RUNX3: variants seen among roughly 807,000 people sequenced by gnomAD.
The protein encoded by RUNX3 is runt-related transcription factor 3.
Under a neutral mutation model 27.7 loss-of-function variants are expected in RUNX3, and 10 were observed. That is an observed-to-expected ratio of 0.36 (90% confidence interval 0.22 to 0.61). The LOEUF (loss-of-function observed/expected upper bound fraction) is 0.61. Among genes scored for constraint, RUNX3 ranks in the 20% least tolerant of loss-of-function variants. The pLI, the probability that RUNX3 is intolerant of heterozygous loss-of-function variation, is 0.72. For missense variants in RUNX3, 469 were observed against 629.5 expected (o/e 0.75, Z 2.73); for synonymous variants, 270 against 269.2 (o/e 1.00, Z -0.03).
At chr1:24,910,118 G>A (rs1473589153) in intron 3 of RUNX3, among the ~76,000 whole-genome samples, 3 of 152,072 alleles carry the variant, frequency 2.0e-5, no homozygotes, top group African/African-American at 4.8e-5. Context: ...GTGAAACCCC[G>A]TCTCTACTAA....
intron 3 of RUNX3, among the ~76,000 whole-genome samples, chr1:24,915,958 C>T (rs1027134167): frequency 3.3e-5 from 5 of 152,290 alleles, no homozygotes; most frequent in South Asian, 2.1e-4. Flanking sequence ...CCTCAGAAAC[C>T]GAGGCCACAC....
Position 24,927,781 on chromosome 1 carries a change from G to C in RUNX3, c.283-51C>G. ...AGGGGGACAGCTTAGAAAGGAAGAG[G>C]GTGACCAGGGAAAGGAGGGGAGGGG... is the stretch of plus-strand genomic sequence containing the variant. On this transcript the variant is annotated intron_variant, in intron 1 of 4. Coordinates refer to ENST00000308873, the MANE Select transcript of RUNX3 (RefSeq NM_004350.3). This position sits in a 1 kb window ranked among gnomAD's most constrained non-coding sequence, Gnocchi z 5.0. 6.3e-7 allele frequency: 1 copy of C among 1,582,080 alleles called. No individual in the cohort carries two copies. The highest frequency in any genetic ancestry group is 8.7e-7 in the Non-Finnish European group (1 of 1,151,960).
chr1:24,907,538 C>T, intron 3 of RUNX3, 121 bp from the exon 4 acceptor site: 1 of 967,996 alleles, frequency 1.0e-6, no homozygotes. Context: ...CTGGGAGAAC[C>T]CTGAGGTCAC....
intron 2 of RUNX3, among the ~76,000 whole-genome samples, chr1:24,945,616 A>T (rs936373577): frequency 6.6e-6 from 1 of 152,222 alleles, no homozygotes; most frequent in East Asian, 1.9e-4. Context: ...TCAAAGTCAC[A>T]TAACCATTGA....
At chr1:24,925,699 G>A (rs1036818125) in intron 2 of RUNX3, among the ~76,000 whole-genome samples, 3 of 152,086 alleles carry the variant, frequency 2.0e-5, no homozygotes, top group African/African-American at 7.2e-5. Context: ...CTCAGACATC[G>A]GAACTCCTCC....
chr1:24,925,672 C>A (rs953506250), intron 2 of RUNX3, among the ~76,000 whole-genome samples: 1 of 152,178 alleles, frequency 6.6e-6, no homozygotes, highest in African/African-American at 2.4e-5. Flanking sequence ...GAAGGCTGAA[C>A]GCCTTAGCCA....
rs569902024 is a variant in RUNX3, at chr1:24,962,465, C to T, written c.58+2049G>A. Among the ~76,000 whole-genome samples, 3 of 152,304 alleles carry T rather than the reference C, an allele frequency of 2.0e-5. No homozygotes were observed. Among genetic ancestry groups the T allele is most frequent in the East Asian group, 3.9e-4 (2 of 5,184 alleles). ...CAAATGGGACCCTGGGGCTGCGTCT[C>T]TTTGAGGAAGGAATTGGCAGCTGGA... On this transcript the variant is annotated intron_variant, in intron 2 of 6. Transcript: ENST00000338888. This position sits in a 1 kb window ranked among gnomAD's most constrained non-coding sequence, Gnocchi z 4.5.
intron 2 of RUNX3, among the ~76,000 whole-genome samples, chr1:24,945,442 T>C (rs1020992509): frequency 6.6e-5 from 10 of 152,134 alleles, no homozygotes; most frequent in African/African-American, 2.4e-4. Flanking sequence ...GTGTAAATCA[T>C]AGCAAATGAT....
chr1:24,935,917 T>C (rs1641340320), intron 2 of RUNX3, among the ~76,000 whole-genome samples: 1 of 152,180 alleles, frequency 6.6e-6, no homozygotes, highest in South Asian at 2.1e-4. Context: ...TCTGAGAAGT[T>C]CAAACAGGTT....
intron 2 of RUNX3, among the ~76,000 whole-genome samples, chr1:24,947,953 G>A (rs942889550): frequency 1.3e-5 from 2 of 152,232 alleles, no homozygotes; most frequent in African/African-American, 4.8e-5. Flanking sequence ...GGGGTGACCT[G>A]GGGAGGCCCC....
rs1428817440 is a variant in RUNX3, at chr1:24,902,174, G to A, written c.1196C>T (p.Thr399Met). ...CATGCGGCCTGGCGTGCTCAGGGCC[G>A]TGGGTGAGTTGCTGTGGCTGCCGTC... The part of the protein sequence containing the change: ...EADGSHSNSP[T>M]ALSTPGRMDE... Residue 399 changes from threonine (T) to methionine (M), a missense_variant, in exon 5 of 5, where the codon ACG (threonine) becomes ATG (methionine). Physicochemically the swap from Thr to Met is moderately conservative, Grantham distance 81. Transcript: ENST00000308873. This position sits in a 1 kb window ranked among gnomAD's most constrained non-coding sequence, Gnocchi z 9.2. The A allele has an allele frequency of 9.5e-6, 15 of 1,571,724 alleles. No individual in the cohort carries two copies. The highest frequency in any genetic ancestry group is 1.2e-5 in the Non-Finnish European group (14 of 1,160,322).
At position 24,902,854 on chromosome 1, in the gene RUNX3, G is replaced by A. The variant is rs529324809; in HGVS notation, c.704-188C>T. Among the ~76,000 whole-genome samples the A allele has an allele frequency of 1.3e-5, 2 of 152,286 alleles. No homozygotes were observed. The highest frequency in any genetic ancestry group is 2.1e-4 in the South Asian group (1 of 4,830). Reference sequence around the variant, plus strand: ...CCAGGACTCCGAACACAGACCTGCCGGGAAGCTGGTTGGAGCGTGCCCCGG... The same window carrying A: ...CCAGGACTCCGAACACAGACCTGCCAGGAAGCTGGTTGGAGCGTGCCCCGG... On this transcript the variant is annotated intron_variant, in intron 4 of 4. Transcript: ENST00000308873. The surrounding 1 kb of genome is among the most constrained non-coding windows in gnomAD (Gnocchi z 9.2).
intron 2 of RUNX3, among the ~76,000 whole-genome samples, chr1:24,926,768 C>T (rs543288528): frequency 4.6e-5 from 7 of 152,250 alleles, no homozygotes; most frequent in East Asian, 1.9e-4. Flanking sequence ...TTGGGAAGGG[C>T]GACTCCCACT....
At position 24,947,777 on chromosome 1, in the gene RUNX3, G is replaced by A. The variant is rs2124352631; in HGVS notation, c.58+16737C>T. 1.3e-5 allele frequency among the ~76,000 whole-genome samples: 2 copies of A among 152,354 alleles called. 1 individual carries two copies. The highest frequency in any genetic ancestry group is 4.1e-4 in the South Asian group (2 of 4,826). ...CTGGAGTTCCCTGAATCCTTCTGGA[G>A]CTCCCCGCAGATCACAGCCGGAGCT... is the stretch of plus-strand genomic sequence containing the variant. On this transcript the variant is annotated intron_variant, in intron 2 of 6. Transcript: ENST00000338888.
rs1640515977 is a variant in RUNX3 at position 24,900,497 on chromosome 1, G to A, written c.*1625C>T. 6.6e-6 allele frequency: 1 copy of A among 152,426 alleles called. No homozygotes were observed. Among genetic ancestry groups the A allele is most frequent in the African/African-American group, 2.4e-5 (1 of 41,470 alleles). 9.4% of individuals were successfully genotyped at this position (152,426 alleles called of 1,614,324 possible). ...TTTTCTAAGCCTTTCTAGGGCCAGA[G>A]AACTCTGATGTGAGAATCCATGCAG... is the stretch of plus-strand genomic sequence containing the variant. On this transcript the variant is annotated 3_prime_UTR_variant, in exon 5 of 5. Coordinates refer to ENST00000308873, the MANE Select transcript of RUNX3 (RefSeq NM_004350.3).
chr1:24,959,660 C>T (rs4648888), intron 2 of RUNX3, among the ~76,000 whole-genome samples: 95,527 of 151,978 alleles, frequency 0.63, 30,258 homozygotes, highest in South Asian at 0.75. Context: ...GGAAAGGATA[C>T]AGTGACTGAC....
In RUNX3 at chr1:24,919,756, C is replaced by T. The variant is rs568581145; in HGVS notation, c.440-412G>A. Among the ~76,000 whole-genome samples, 28 of 151,810 alleles carry T rather than the reference C, an allele frequency of 1.8e-4. 1 individual carries two copies. The East Asian group carries it at 3.1e-3, about 17-fold the overall frequency. On this transcript the variant is annotated intron_variant, in intron 2 of 4. Transcript: ENST00000308873. ...TATAAATAAAGAAGAAAAGACACCC[C>T]CCCCCCACGGTTCCACTAGCTGGAG...
chr1:24,959,116 G>A (rs931533919), intron 2 of RUNX3, among the ~76,000 whole-genome samples: 5 of 152,182 alleles, frequency 3.3e-5, no homozygotes, highest in Admixed American at 2.6e-4. Flanking sequence ...CTGCTTATCC[G>A]TCTCCCGGCC....
At chr1:24,920,292 A>G (rs1640973503) in intron 2 of RUNX3, among the ~76,000 whole-genome samples, 1 of 151,536 alleles carries the variant, frequency 6.6e-6, no homozygotes, top group African/African-American at 2.4e-5. Flanking sequence ...ATCTCTGCTT[A>G]TTTCCTTAGA....
Sources: gnomAD v4.1 joint callset for allele counts (sites outside exome capture counted in the v4.1 genomes callset) on GRCh38, gnomAD v4.1.1 for gene constraint, Gnocchi (gnomAD v3.1) non-coding constraint, MANE v1.5 for transcripts, NCBI Gene and HGNC (gene_info 2026-07-23, HGNC 2026-07-21) for gene names.